The following AMOTL1 variants were observed in gnomAD, a reference collection of about 807,000 sequenced individuals.
AMOTL1 encodes the protein angiomotin like 1.
Under a neutral mutation model 102.9 loss-of-function variants are expected in AMOTL1, and 45 were observed. That is an observed-to-expected ratio of 0.44 (90% CI 0.34 to 0.56). The LOEUF is 0.56. Ranked by LOEUF, AMOTL1 falls within the 20% of genes least tolerant of loss-of-function variation. The probability of loss-of-function intolerance (pLI) is 0.01; values close to 1 mark genes in which losing one functional copy is unlikely to be tolerated. For missense variants in AMOTL1, 1,114 were observed against 1,225.6 expected (o/e 0.91, Z 1.36); for synonymous variants, 481 against 484.7 (o/e 0.99, Z 0.10).
intron 3 of AMOTL1, among the ~76,000 whole-genome samples, chr11:94,742,175 A>G (rs1950536755): frequency 6.6e-6 from 1 of 152,238 alleles, no homozygotes; most frequent in Admixed American, 6.5e-5. Flanking sequence ...GGAATTGTAG[A>G]CTAAATGCAT....
chr11:94,840,681 T>TATATATATAC (rs1166713705), intron 6 of AMOTL1, among the ~76,000 whole-genome samples: 77 of 104,770 alleles, frequency 7.3e-4, no homozygotes, highest in African/African-American at 2.5e-3. Context: ...TATATATATA[T>TATATATATAC]ACACACACAC....
intron 2 of AMOTL1, chr11:94,796,919 A>G (rs1951378101): frequency 2.6e-6 from 2 of 761,388 alleles, no homozygotes; most frequent in Non-Finnish European, 3.2e-6. Flanking sequence ...TATATCTTGT[A>G]TATAAGCATA....
At position 94,850,271 on chromosome 11, in the gene AMOTL1, C is replaced by G. The variant is rs1952507117; in HGVS notation, c.1794+12C>G. The G allele has an allele frequency of 4.4e-6, 7 of 1,586,980 alleles. No homozygotes were observed. The highest frequency in any genetic ancestry group is 3.5e-4 in the Middle Eastern group (2 of 5,668). On this transcript the variant is annotated intron_variant, in intron 7 of 12. Transcript: ENST00000433060. Reference sequence around the variant, plus strand: ...AGCTGGAAGAGGAGGTGAGACCAGGCTGTGGGGATTTGGTGGGGAAGAGGG... The same window carrying G: ...AGCTGGAAGAGGAGGTGAGACCAGGGTGTGGGGATTTGGTGGGGAAGAGGG...
chr11:94,800,938 G>C (rs1951466035), intron 3 of AMOTL1, among the ~76,000 whole-genome samples: 1 of 152,178 alleles, frequency 6.6e-6, no homozygotes, highest in South Asian at 2.1e-4. Flanking sequence ...GATGGATTCA[G>C]CAGCACCTAC....
intron 7 of AMOTL1, among the ~76,000 whole-genome samples, chr11:94,852,314 G>C (rs918810955): frequency 6.6e-6 from 1 of 152,216 alleles, no homozygotes; most frequent in Non-Finnish European, 1.5e-5. Context: ...GCTTCAGCTA[G>C]GACAGGATAT....
At chr11:94,752,732 A>G (rs1410376661) in intron 3 of AMOTL1, among the ~76,000 whole-genome samples, 5 of 152,208 alleles carry the variant, frequency 3.3e-5, no homozygotes, top group African/African-American at 1.2e-4. Context: ...GTTGCTGTCT[A>G]ACAGTCAATA....
rs748299534 is a variant in AMOTL1 at position 94,799,519 on chromosome 11, G to A, written c.329G>A (p.Gly110Asp). 1.4e-5 allele frequency: 22 copies of A among 1,613,380 alleles called. No homozygotes were observed. Among genetic ancestry groups the A allele is most frequent in the Non-Finnish European group, 1.9e-5 (22 of 1,179,678 alleles). Residue 110 changes from glycine (G) to aspartate (D), a missense_variant, in exon 3 of 13, where the codon GGC (glycine) becomes GAC (aspartate). Transcript: ENST00000433060. This position sits in a 1 kb window ranked among gnomAD's most constrained non-coding sequence, Gnocchi z 4.5. ...QRLIQEQLRYGTPTENMNLLA... is the reference protein window; with the variant it reads ...QRLIQEQLRYDTPTENMNLLA... ...CTGATCCAGGAACAACTGCGGTATG[G>A]CACCCCAACCGAGAACATGAACTTG... is the stretch of plus-strand genomic sequence containing the variant.
At chr11:94,754,460 G>A (rs1432252921) in intron 3 of AMOTL1, among the ~76,000 whole-genome samples, 1 of 152,252 alleles carries the variant, frequency 6.6e-6, no homozygotes, top group Non-Finnish European at 1.5e-5. Flanking sequence ...AAGTGGGACT[G>A]TAACCTTGTT....
chr11:94,729,164 A>G lies in AMOTL1; in HGVS notation c.85+109A>G, dbSNP rs767335705. ...TGCCCACGCTGTTTGTCTTTTCAAA[A>G]GCAGCTGAGTGGAGAGGAGAGGGAA... On this transcript the variant is annotated intron_variant, in intron 2 of 4. Transcript: ENST00000299004. 104 of 756,688 alleles carry G rather than the reference A, an allele frequency of 1.4e-4. 1 individual carries two copies. Among genetic ancestry groups the G allele is most frequent in the Non-Finnish European group, 1.7e-4 (90 of 528,296 alleles). The allele number at this position is 756,688 out of a possible 1,614,324, so 46.9% of individuals were successfully genotyped here. A position where few individuals can be genotyped will look rare whatever the true frequency, so the allele number is the denominator to read the frequency against.
At chr11:94,848,187 C>T (rs1020229265) in intron 6 of AMOTL1, among the ~76,000 whole-genome samples, 7 of 152,118 alleles carry the variant, frequency 4.6e-5, no homozygotes, top group African/African-American at 1.4e-4. Flanking sequence ...TGGATGGGGA[C>T]GGGCAGCGCT....
chr11:94,754,777 G>T (rs1240545037), intron 3 of AMOTL1, among the ~76,000 whole-genome samples: 1 of 152,142 alleles, frequency 6.6e-6, no homozygotes, highest in Non-Finnish European at 1.5e-5. Flanking sequence ...AAACACAGGA[G>T]ACCCAGTCAA....
intron 2 of AMOTL1, among the ~76,000 whole-genome samples, chr11:94,729,937 C>T (rs980216853): frequency 4.6e-5 from 7 of 152,126 alleles, no homozygotes; most frequent in African/African-American, 1.7e-4. Flanking sequence ...TGGCAACAAA[C>T]ATTTGCAGAC....
intron 3 of AMOTL1, among the ~76,000 whole-genome samples, chr11:94,752,051 T>G (rs902259913): frequency 6.6e-6 from 1 of 152,188 alleles, no homozygotes. Context: ...TGCCGGATGA[T>G]CATTGTGGAA....
intron 1 of AMOTL1, among the ~76,000 whole-genome samples, chr11:94,721,382 CTT>C (rs36046062): frequency 6.8e-6 from 1 of 147,406 alleles, no homozygotes; most frequent in African/African-American, 2.5e-5. Flanking sequence ...ACCTGTACTA[CTT>C]TTTTTTTTTA....
intron 6 of AMOTL1, among the ~76,000 whole-genome samples, chr11:94,839,528 T>C (rs1002734101): frequency 1.3e-5 from 2 of 152,290 alleles, no homozygotes; most frequent in South Asian, 2.1e-4. Flanking sequence ...TGAACTGCCA[T>C]GGGGAAGCCA....
intron 3 of AMOTL1, among the ~76,000 whole-genome samples, chr11:94,760,290 C>T (rs1950775948): frequency 6.6e-6 from 1 of 152,156 alleles, no homozygotes; most frequent in African/African-American, 2.4e-5. Context: ...CTCTTTCTCT[C>T]CTCTATTTAA....
intron 6 of AMOTL1, among the ~76,000 whole-genome samples, chr11:94,841,487 C>T (rs1195116860): frequency 6.6e-6 from 1 of 152,070 alleles, no homozygotes; most frequent in Admixed American, 6.6e-5. Flanking sequence ...GGCAAAAAAG[C>T]ACTTTTCTTC....
At chr11:94,833,843 A>G (rs1054542007) in intron 6 of AMOTL1, among the ~76,000 whole-genome samples, 2 of 152,236 alleles carry the variant, frequency 1.3e-5, no homozygotes, top group East Asian at 1.9e-4. Context: ...TGGTTGACCA[A>G]TTGAATAATG....
At chr11:94,790,546 A>AATGAGGATG (rs1202605555) in intron 1 of AMOTL1, among the ~76,000 whole-genome samples, 2 of 151,994 alleles carry the variant, frequency 1.3e-5, no homozygotes, top group Non-Finnish European at 2.9e-5. Context: ...GCACTTGGAG[A>AATGAGGATG]ATGAGGATGA....
Sources: gnomAD v4.1 joint callset for allele counts (sites outside exome capture counted in the v4.1 genomes callset) on GRCh38, gnomAD v4.1.1 for gene constraint, Gnocchi (gnomAD v3.1) non-coding constraint, MANE v1.5 for transcripts, NCBI Gene and HGNC (gene_info 2026-07-23, HGNC 2026-07-21) for gene names.